Variants in SGPP1 observed in about 807,000 individuals in gnomAD.
SGPP1 encodes the protein hSPP1.
SGPP1 carries 21 observed loss-of-function variants against 33.0 expected under a neutral mutation model. The ratio of observed to expected loss-of-function variants is 0.64; its 90% confidence interval spans 0.45 to 0.92. SGPP1 has a LOEUF of 0.92. Ranked by LOEUF, SGPP1 falls within the 40% of genes least tolerant of loss-of-function variation. SGPP1 has a pLI of 0.00. For missense variants in SGPP1, 543 were observed against 589.4 expected (o/e 0.92, Z 0.81); for synonymous variants, 239 against 241.2 (o/e 0.99, Z 0.08).
chr14:63,691,022 A>G (rs1885084067), intron 2 of SGPP1, among the ~76,000 whole-genome samples: 1 of 152,156 alleles, frequency 6.6e-6, no homozygotes, highest in Non-Finnish European at 1.5e-5. Context: ...GCCATGAAAA[A>G]CATTTTAAAA....
At chr14:63,714,012 G>A (rs1885572710) in intron 1 of SGPP1, among the ~76,000 whole-genome samples, 1 of 152,182 alleles carries the variant, frequency 6.6e-6, no homozygotes, top group Non-Finnish European at 1.5e-5. Context: ...TTCTTTGGGA[G>A]ATGGGACAGA....
At chr14:63,699,652 C>T (rs1051552862) in intron 1 of SGPP1, among the ~76,000 whole-genome samples, 15 of 151,996 alleles carry the variant, frequency 9.9e-5, no homozygotes, top group African/African-American at 3.6e-4. Context: ...TAATAGCATA[C>T]TAACACCTTG....
chr14:63,696,649 C>T (rs996577703), intron 2 of SGPP1, among the ~76,000 whole-genome samples: 1 of 152,086 alleles, frequency 6.6e-6, no homozygotes, highest in Non-Finnish European at 1.5e-5. Flanking sequence ...ATATTAAATA[C>T]AAATAATTAT....
At chr14:63,697,013 A>C (rs1235609587) in intron 2 of SGPP1, among the ~76,000 whole-genome samples, 1 of 152,070 alleles carries the variant, frequency 6.6e-6, no homozygotes, top group African/African-American at 2.4e-5. Context: ...TTTGGTAGGG[A>C]CTTCAAAAGG....
rs1488751680 is a variant in SGPP1, at chr14:63,688,489, A to G, written c.775-1833T>C. On this transcript the variant is annotated intron_variant, in intron 2 of 2. Transcript: ENST00000247225. ...GAAGATGGTTTACTTGAGGAAACAA[A>G]GCTATTAAATAACTTTCTGAATCAT... 2.0e-5 allele frequency among the ~76,000 whole-genome samples: 3 copies of G among 152,124 alleles called. No individual in the cohort carries two copies. The East Asian group carries it at 5.8e-4, about 29-fold the overall frequency.
chr14:63,688,265 G>A (rs1399484506), intron 2 of SGPP1, among the ~76,000 whole-genome samples: 4 of 136,478 alleles, frequency 2.9e-5, no homozygotes, highest in African/African-American at 1.1e-4. Context: ...GCAGTGAACC[G>A]AGATGGCGCC....
At position 63,686,562 on chromosome 14, in the gene SGPP1, T is replaced by C. The variant is rs752386094; in HGVS notation, c.869A>G (p.Tyr290Cys). 6.2e-7 allele frequency: 1 copy of C among 1,613,980 alleles called. No homozygotes were observed. The highest frequency in any genetic ancestry group is 1.3e-5 in the African/African-American group (1 of 74,932). The change falls in exon 3 of 3, where the codon TAT becomes TGT. Residue 290 changes from tyrosine to cysteine, a missense_variant. Coordinates refer to ENST00000247225, the MANE Select transcript of SGPP1 (RefSeq NM_030791.4). The stretch of plus-strand genomic sequence containing the variant: ...AAGCCCGATGATGATGAATGGAGCA[T>C]ATTTGTGAGTTTGGTTGAAGTTGTC... ...LIDNFNQTHK[Y>C]APFIIIGLHL...
At position 63,686,421 on chromosome 14, in the gene SGPP1, T is replaced by G; in HGVS notation, c.1010A>C (p.Tyr337Ser). The change falls in exon 3 of 3, where the codon TAT becomes TCT. Residue 337 changes from tyrosine (Y) to serine (S), a missense_variant. Tyr to Ser is a moderately radical substitution (Grantham distance 144). Transcript: ENST00000247225. ...AGIACGSHVT[Y>S]NMGLVLDPSL... The stretch of plus-strand genomic sequence containing the variant: ...AGGATCTAATACTAGACCCATGTTA[T>G]AAGTAACATGAGATCCACATGCAAT... 1 of 1,613,822 alleles carries G rather than the reference T, an allele frequency of 6.2e-7. No homozygotes were observed. The highest frequency in any genetic ancestry group is 1.1e-5 in the South Asian group (1 of 91,074).
At chr14:63,717,677 T>G (rs1429151790) in intron 1 of SGPP1, among the ~76,000 whole-genome samples, 3 of 151,930 alleles carry the variant, frequency 2.0e-5, no homozygotes, top group Non-Finnish European at 4.4e-5. Context: ...AGGAAAAAAA[T>G]TCTAAAAATA....
chr14:63,725,178 G>T (rs1885854611), intron 1 of SGPP1, among the ~76,000 whole-genome samples: 1 of 152,164 alleles, frequency 6.6e-6, no homozygotes. Flanking sequence ...TTCAAGACCA[G>T]CTTGGCCAAA....
At chr14:63,707,515 T>C (rs1488650547) in intron 1 of SGPP1, among the ~76,000 whole-genome samples, 4 of 151,790 alleles carry the variant, frequency 2.6e-5, no homozygotes, top group African/African-American at 7.3e-5. Flanking sequence ...AAGTCATTAG[T>C]ACTTCTTCAT....
At chr14:63,712,315 T>C (rs1885539776) in intron 1 of SGPP1, among the ~76,000 whole-genome samples, 1 of 152,210 alleles carries the variant, frequency 6.6e-6, no homozygotes, top group South Asian at 2.1e-4. Flanking sequence ...CTTTCACTTC[T>C]GGCTTCCCTC....
At chr14:63,708,112 T>TCACAG (rs555842790) in intron 1 of SGPP1, among the ~76,000 whole-genome samples, 6 of 152,154 alleles carry the variant, frequency 3.9e-5, no homozygotes, top group Non-Finnish European at 8.8e-5. Flanking sequence ...CATTCCTCAG[T>TCACAG]CACAGCAATC....
chr14:63,698,903 G>A (rs1232927119), intron 1 of SGPP1, among the ~76,000 whole-genome samples: 1 of 152,178 alleles, frequency 6.6e-6, no homozygotes, highest in Non-Finnish European at 1.5e-5. Context: ...GTGGGAACTG[G>A]CTCACTTCTG....
Position 63,698,623 on chromosome 14 carries a change from G to A in SGPP1, c.720C>T (p.Cys240=), listed in dbSNP as rs55989059. The A allele has an allele frequency of 3.7e-5, 59 of 1,603,822 alleles. No homozygotes were observed. Among genetic ancestry groups the A allele is most frequent in the Non-Finnish European group, 4.6e-5 (54 of 1,174,212 alleles). Residue 240 remains cysteine (C), a synonymous_variant, in exon 2 of 3, where the codon TGC becomes TGT. Transcript: ENST00000247225. ...TACTTAGGCAAACTAGAGAACACCA[G>A]CAGGGAATAAGAATCAGTCCATATA... ...PLIYGLILIP[C]WCSLVCLSRI...
chr14:63,722,376 A>G (rs938556036), intron 1 of SGPP1, among the ~76,000 whole-genome samples: 3 of 150,216 alleles, frequency 2.0e-5, no homozygotes, highest in Non-Finnish European at 3.0e-5. Flanking sequence ...AAAAAAAAAA[A>G]AAAAATTAGC....
intron 2 of SGPP1, 88 bp from the exon 3 acceptor site, chr14:63,686,744 T>C (rs1884988856): frequency 1.0e-6 from 1 of 954,510 alleles, no homozygotes; most frequent in African/African-American, 1.7e-5. Flanking sequence ...ATTTCAAATG[T>C]TGAATATACA....
chr14:63,686,542 CGAT>C lies in SGPP1; in HGVS notation c.886_888del (p.Ile296del). 6.2e-7 allele frequency: 1 copy of C among 1,613,776 alleles called. No homozygotes were observed. Among genetic ancestry groups the C allele is most frequent in the Non-Finnish European group, 8.5e-7 (1 of 1,179,980 alleles). ...AAGATCCCCAAAGCTAAATGAAGCC[CGAT>C]GATGATGAATGGAGCATATTTGTGA... On this transcript the variant is annotated inframe_deletion, in exon 3 of 3. Coordinates refer to ENST00000247225, the MANE Select transcript of SGPP1 (RefSeq NM_030791.4).
At chr14:63,713,895 T>C (rs1363889777) in intron 1 of SGPP1, among the ~76,000 whole-genome samples, 1 of 152,194 alleles carries the variant, frequency 6.6e-6, no homozygotes, top group Non-Finnish European at 1.5e-5. Flanking sequence ...AGGAGATTAG[T>C]GTATGAGTCA....
Sources: allele counts gnomAD v4.1 joint callset (sites outside exome capture counted in the v4.1 genomes callset), GRCh38; gene constraint gnomAD v4.1.1; transcripts MANE v1.5; gene names NCBI Gene and HGNC (gene_info 2026-07-23, HGNC 2026-07-21).